The following DOCK5 variants were observed in gnomAD, a reference collection of about 807,000 sequenced individuals.
DOCK5 encodes dedicator of cytokinesis 5.
A neutral mutation model predicts 251.8 loss-of-function variants in DOCK5; 142 were observed. That is an observed-to-expected ratio of 0.56 (90% CI 0.49 to 0.65). DOCK5 has a LOEUF of 0.65. Ranked by LOEUF, DOCK5 falls within the 30% of genes least tolerant of loss-of-function variation. The pLI is 0.00. For missense variants in DOCK5, 2,111 were observed against 2,312.3 expected (o/e 0.91, Z 1.79); for synonymous variants, 842 against 835.5 (o/e 1.01, Z -0.13).
Position 25,340,870 on chromosome 8 carries a change from T to C in DOCK5, c.2328-7T>C, listed in dbSNP as rs778115512. 1 of 1,611,306 alleles carries C rather than the reference T, an allele frequency of 6.2e-7. No individual in the cohort carries two copies. The highest frequency in any genetic ancestry group is 8.5e-7 in the Non-Finnish European group (1 of 1,178,448). ...AGTCCAACTGCTTTTGTCTTTTTCC[T>C]ATTAAGATTTTATGGGCAGAGCAAA... is the stretch of plus-strand genomic sequence containing the variant. On this transcript the variant is annotated splice_polypyrimidine_tract_variant and splice_region_variant and intron_variant, in intron 22 of 51. Transcript: ENST00000276440.
At chr8:25,353,909 C>T (rs887201209) in intron 27 of DOCK5, among the ~76,000 whole-genome samples, 1 of 151,750 alleles carries the variant, frequency 6.6e-6, no homozygotes, top group Non-Finnish European at 1.5e-5. Context: ...GTAACCCCAG[C>T]TACTCCGGAG....
At chr8:25,231,520 A>G (rs1329306840) in intron 1 of DOCK5, among the ~76,000 whole-genome samples, 4 of 152,200 alleles carry the variant, frequency 2.6e-5, no homozygotes. Flanking sequence ...TTATACATTG[A>G]CCAAAAAATT....
chr8:25,314,475 T>G (rs924073123), intron 13 of DOCK5, among the ~76,000 whole-genome samples: 1 of 151,952 alleles, frequency 6.6e-6, no homozygotes, highest in Non-Finnish European at 1.5e-5. Context: ...ACCTCATAAT[T>G]CTGTGCATCT....
In DOCK5 at chr8:25,306,328, G is replaced by A. The variant is rs568431738; in HGVS notation, c.1049+2001G>A. On this transcript the variant is annotated intron_variant, in intron 11 of 51. Coordinates refer to ENST00000276440, the MANE Select transcript of DOCK5 (RefSeq NM_024940.8). Reference sequence around the variant, plus strand: ...TCCATGAATGCTGCTCTTGTTTTGTGCATAATATAAAACACTGCATGCACA... The same window carrying A: ...TCCATGAATGCTGCTCTTGTTTTGTACATAATATAAAACACTGCATGCACA... 9.2e-5 allele frequency among the ~76,000 whole-genome samples: 14 copies of A among 152,216 alleles called. No homozygotes were observed. The South Asian group carries it at 2.9e-3, about 32-fold the overall frequency.
chr8:25,227,936 G>A (rs1201399702), intron 1 of DOCK5, among the ~76,000 whole-genome samples: 1 of 152,138 alleles, frequency 6.6e-6, no homozygotes, highest in Non-Finnish European at 1.5e-5. Context: ...CCAGGCTGGA[G>A]TGCAGTGGCA....
At chr8:25,243,338 T>C (rs1024533162) in intron 1 of DOCK5, among the ~76,000 whole-genome samples, 3 of 152,076 alleles carry the variant, frequency 2.0e-5, no homozygotes, top group African/African-American at 4.8e-5. Flanking sequence ...CATTCTTTTT[T>C]TTTTTTTTTT....
chr8:25,317,158 C>G (rs1192192316), intron 14 of DOCK5, 27 bp downstream of exon 14: 31 of 1,607,974 alleles, frequency 1.9e-5, no homozygotes, highest in Non-Finnish European at 2.6e-5. Context: ...AGAAATCCTG[C>G]TACCATCGCA....
intron 34 of DOCK5, among the ~76,000 whole-genome samples, chr8:25,370,882 A>G (rs1194000730): frequency 6.6e-6 from 1 of 152,168 alleles, no homozygotes; most frequent in African/African-American, 2.4e-5. Context: ...GGCCTCAGGC[A>G]ATCCTCCAGC....
chr8:25,397,970 A>G (rs1801376011), intron 45 of DOCK5, among the ~76,000 whole-genome samples: 1 of 152,222 alleles, frequency 6.6e-6, no homozygotes, highest in South Asian at 2.1e-4. Context: ...ATGTATTGCA[A>G]TCAGTGGGGT....
chr8:25,399,762 A>G (rs1404579564), intron 45 of DOCK5, 149 bp from the exon 46 acceptor site: 3 of 621,924 alleles, frequency 4.8e-6, no homozygotes, highest in East Asian at 5.5e-5. Context: ...GCATTGTCCA[A>G]CATAGTATAA....
At chr8:25,203,037 T>C (rs1209080504) in intron 1 of DOCK5, among the ~76,000 whole-genome samples, 1 of 152,202 alleles carries the variant, frequency 6.6e-6, no homozygotes, top group Non-Finnish European at 1.5e-5. Context: ...GCTTTCCTTT[T>C]CTTTAGCTTG....
intron 6 of DOCK5, among the ~76,000 whole-genome samples, chr8:25,295,266 C>T (rs1804589676): frequency 6.6e-6 from 1 of 151,712 alleles, no homozygotes; most frequent in Non-Finnish European, 1.5e-5. Flanking sequence ...TAGCAAGACC[C>T]CATCTCTACA....
chr8:25,371,950 G>A (rs551901731), intron 34 of DOCK5, among the ~76,000 whole-genome samples: 1 of 152,190 alleles, frequency 6.6e-6, no homozygotes, highest in Non-Finnish European at 1.5e-5. Context: ...TGGGTCCAAA[G>A]GGACAGGATT....
rs938861531 is a variant in DOCK5, at chr8:25,366,560, G to T, written c.3124-310G>T. 2.0e-5 allele frequency among the ~76,000 whole-genome samples: 3 copies of T among 152,018 alleles called. No individual in the cohort carries two copies. In the South Asian group the frequency reaches 6.2e-4, roughly 32 times the overall value. Reference sequence around the variant, plus strand: ...AAAGTGTTTACTAATTCAAAAGTTTGGCAAACTTTTAGGACTTTTGAAACA... The same window carrying T: ...AAAGTGTTTACTAATTCAAAAGTTTTGCAAACTTTTAGGACTTTTGAAACA... On this transcript the variant is annotated intron_variant, in intron 30 of 51. Coordinates refer to ENST00000276440, the MANE Select transcript of DOCK5 (RefSeq NM_024940.8).
intron 2 of DOCK5, among the ~76,000 whole-genome samples, chr8:25,245,724 G>A (rs916465907): frequency 1.3e-5 from 2 of 152,048 alleles, no homozygotes; most frequent in Non-Finnish European, 2.9e-5. Flanking sequence ...ATTGTTAGTA[G>A]AGACGGGGTT....
chr8:25,304,339 G>A lies in DOCK5; in HGVS notation c.1049+12G>A, dbSNP rs1295632398. On this transcript the variant is annotated intron_variant, in intron 11 of 51. Transcript: ENST00000276440. The stretch of plus-strand genomic sequence containing the variant: ...ATTCCCTTTCAGCAGTAAGTACTTT[G>A]GCATGTGTCCCAGGTGACTTGAGAC... 6.2e-6 allele frequency: 10 copies of A among 1,600,956 alleles called. No homozygotes were observed. Among genetic ancestry groups the A allele is most frequent in the Non-Finnish European group, 8.5e-6 (10 of 1,173,922 alleles).
At chr8:25,235,349 C>G (rs1041641469) in intron 1 of DOCK5, among the ~76,000 whole-genome samples, 1 of 152,136 alleles carries the variant, frequency 6.6e-6, no homozygotes, top group African/African-American at 2.4e-5. Flanking sequence ...AAGCCTCAAC[C>G]TCCTGGGCTC....
At chr8:25,367,505 C>G (rs902491007) in intron 31 of DOCK5, among the ~76,000 whole-genome samples, 3 of 152,208 alleles carry the variant, frequency 2.0e-5, no homozygotes, top group Non-Finnish European at 4.4e-5. Context: ...AAGACCATGT[C>G]GTTAAAAAAT....
chr8:25,407,834 A>C (rs1335988625), intron 48 of DOCK5, 149 bp from the exon 49 acceptor site: 2 of 923,970 alleles, frequency 2.2e-6, no homozygotes, highest in Non-Finnish European at 3.1e-6. Context: ...ACTGCACTCC[A>C]GCCTGAATGA....
Sources: allele counts gnomAD v4.1 joint callset (sites outside exome capture counted in the v4.1 genomes callset), GRCh38; gene constraint gnomAD v4.1.1; transcripts MANE v1.5; gene names NCBI Gene and HGNC (gene_info 2026-07-23, HGNC 2026-07-21).